The following TUSC3 variants were observed in gnomAD, a reference collection of about 807,000 sequenced individuals.
TUSC3 encodes the protein tumor suppressor candidate 3.
TUSC3 carries 45 observed loss-of-function variants against 44.8 expected under a neutral mutation model. The observed-to-expected ratio is 1.00, with a 90% confidence interval of 0.79 to 1.29. TUSC3 has a LOEUF of 1.29. TUSC3 is among the 50% of genes most tolerant of loss of function. TUSC3 has a pLI of 0.00. For synonymous variants in TUSC3, 212 were observed against 152.9 expected, an observed-to-expected ratio of 1.39 and a Z score of -2.85; for missense variants, 519 against 437.9, an observed-to-expected ratio of 1.19 and a Z score of -1.65.
At chr8:15,611,966 G>T (rs1298981558) in intron 1 of TUSC3, among the ~76,000 whole-genome samples, 1 of 152,156 alleles carries the variant, frequency 6.6e-6, no homozygotes, top group Non-Finnish European at 1.5e-5. Context: ...GGTTTTCATT[G>T]AACTCCTTAA....
chr8:15,508,917 C>T (rs1801096737), intron 2 of TUSC3, among the ~76,000 whole-genome samples: 1 of 152,140 alleles, frequency 6.6e-6, no homozygotes, highest in Non-Finnish European at 1.5e-5. Context: ...ATTACTGTCT[C>T]CAGTTTACCA....
chr8:15,679,586 TC>T (rs1808328476), intron 6 of TUSC3, among the ~76,000 whole-genome samples: 2 of 152,202 alleles, frequency 1.3e-5, no homozygotes, highest in African/African-American at 4.8e-5. Context: ...GTGTAGAAGC[TC>T]TTCAGTATAA....
At chr8:15,470,476 C>G (rs1466609599) in intron 1 of TUSC3, among the ~76,000 whole-genome samples, 1 of 152,026 alleles carries the variant, frequency 6.6e-6, no homozygotes, top group Non-Finnish European at 1.5e-5. Context: ...TCAATGTAGG[C>G]TCATGGATTA....
chr8:15,551,235 G>A (rs1346591), intron 1 of TUSC3, among the ~76,000 whole-genome samples: 151,696 of 151,728 alleles, frequency 1, 75,832 homozygotes, highest in Middle Eastern at 1. Flanking sequence ...TTTTTATTAG[G>A]TTCTAAAAAT....
At chr8:15,526,330 C>A (rs541567738) in intron 2 of TUSC3, among the ~76,000 whole-genome samples, 1 of 152,234 alleles carries the variant, frequency 6.6e-6, no homozygotes, top group African/African-American at 2.4e-5. Context: ...CCGCGCCTGG[C>A]TAGGGAAATT....
chr8:15,499,845 A>C (rs758990575), intron 2 of TUSC3, among the ~76,000 whole-genome samples: 4 of 152,110 alleles, frequency 2.6e-5, no homozygotes, highest in African/African-American at 7.2e-5. Context: ...AGCTTCCATA[A>C]GTGTATGAGC....
intron 2 of TUSC3, among the ~76,000 whole-genome samples, chr8:15,501,394 G>C (rs1800963069): frequency 6.6e-6 from 1 of 152,064 alleles, no homozygotes; most frequent in Non-Finnish European, 1.5e-5. Context: ...ACTTCACTTT[G>C]GCAATGAGCA....
At chr8:15,482,453 G>T (rs756515740) in intron 1 of TUSC3, among the ~76,000 whole-genome samples, 1 of 152,172 alleles carries the variant, frequency 6.6e-6, no homozygotes, top group African/African-American at 2.4e-5. Flanking sequence ...TAGCACACCT[G>T]TTTAAAGTAT....
At chr8:15,702,665 C>G (rs1291716535) in intron 6 of TUSC3, among the ~76,000 whole-genome samples, 1 of 152,096 alleles carries the variant, frequency 6.6e-6, no homozygotes, top group East Asian at 1.9e-4. Flanking sequence ...TTAATACCTG[C>G]AGCGTTCAAG....
At chr8:15,792,341 G>T in the TUSC3 span, among the ~76,000 whole-genome samples, 1 of 152,150 alleles carries the variant, frequency 6.6e-6, no homozygotes, top group South Asian at 2.1e-4. Context: ...GTAAGGCAAA[G>T]AATTAAATCA....
chr8:15,729,343 C>T (rs1006974371), intron 6 of TUSC3, among the ~76,000 whole-genome samples: 1 of 152,150 alleles, frequency 6.6e-6, no homozygotes, highest in African/African-American at 2.4e-5. Flanking sequence ...CCTATACAAA[C>T]AGTCCTAGGT....
chr8:15,498,376 G>A (rs1800911587), intron 2 of TUSC3, among the ~76,000 whole-genome samples: 1 of 152,098 alleles, frequency 6.6e-6, no homozygotes, highest in African/African-American at 2.4e-5. Flanking sequence ...TAAGAGAGAA[G>A]GTGTTGGAGA....
intron 1 of TUSC3, among the ~76,000 whole-genome samples, chr8:15,556,376 G>A (rs1802266482): frequency 6.6e-6 from 1 of 150,724 alleles, no homozygotes; most frequent in African/African-American, 2.4e-5. Context: ...GTGTATATGT[G>A]CCACATTTTC....
At chr8:15,811,310 T>A in the TUSC3 span, among the ~76,000 whole-genome samples, 1 of 152,132 alleles carries the variant, frequency 6.6e-6, no homozygotes, top group African/African-American at 2.4e-5. Flanking sequence ...ACATCGTCAA[T>A]TGTCCACATC....
intron 1 of TUSC3, among the ~76,000 whole-genome samples, chr8:15,428,409 G>A (rs1379452619): frequency 6.6e-6 from 1 of 151,780 alleles, no homozygotes; most frequent in South Asian, 2.1e-4. Flanking sequence ...TTGCTATTGT[G>A]AATAGTGCCG....
chr8:15,604,395 G>C (rs537446030), intron 1 of TUSC3, among the ~76,000 whole-genome samples: 2 of 151,684 alleles, frequency 1.3e-5, no homozygotes, highest in South Asian at 4.2e-4. Context: ...GACCTTATTC[G>C]ATGATAATTG....
chr8:15,479,485 T>G (rs1197177288), intron 1 of TUSC3, among the ~76,000 whole-genome samples: 1 of 152,186 alleles, frequency 6.6e-6, no homozygotes, highest in Non-Finnish European at 1.5e-5. Flanking sequence ...GGGTTTGAGT[T>G]TCAATTTTCT....
chr8:15,493,957 C>T (rs931036737), intron 2 of TUSC3, among the ~76,000 whole-genome samples: 7 of 152,180 alleles, frequency 4.6e-5, no homozygotes, highest in African/African-American at 1.7e-4. Flanking sequence ...TCTGGACGTA[C>T]AGTTTGCCCT....
the TUSC3 span, among the ~76,000 whole-genome samples, chr8:15,843,979 T>C: frequency 5.0e-4 from 76 of 152,196 alleles, no homozygotes; most frequent in South Asian, 3.9e-3. Context: ...AGAAGGAAAA[T>C]CTAATTTCTA....
Sources: allele counts gnomAD v4.1 joint callset (sites outside exome capture counted in the v4.1 genomes callset), GRCh38; gene constraint gnomAD v4.1.1; transcripts MANE v1.5; gene names NCBI Gene and HGNC (gene_info 2026-07-23, HGNC 2026-07-21).